The following SLCO5A1 variants were observed in gnomAD, a reference collection of about 807,000 sequenced individuals.
SLCO5A1 encodes solute carrier organic anion transporter family member 5A1, also known as organic anion transporter polypeptide-related protein 4.
In SLCO5A1, 39 loss-of-function variants were observed where a neutral mutation model predicts 65.1. The observed-to-expected ratio is 0.60, with a 90% CI of 0.46 to 0.78. The LOEUF (loss-of-function observed/expected upper bound fraction) is 0.78, where lower values mean the gene tolerates loss of function less well. Among genes scored for constraint, SLCO5A1 ranks in the 30% least tolerant of loss-of-function variants. The pLI is 0.00. For missense variants in SLCO5A1, 1,029 were observed against 1,069.4 expected, an observed-to-expected ratio of 0.96 and a Z score of 0.53; for synonymous variants, 438 against 415.7, an observed-to-expected ratio of 1.05 and a Z score of -0.65.
At chr8:69,738,820 G>T (rs1233034091) in intron 4 of SLCO5A1, among the ~76,000 whole-genome samples, 1 of 152,232 alleles carries the variant, frequency 6.6e-6, no homozygotes, top group Non-Finnish European at 1.5e-5. Flanking sequence ...GCTGAAAGGT[G>T]GGGGTTTAGC....
chr8:69,698,717 C>T (rs1208659551), intron 6 of SLCO5A1, among the ~76,000 whole-genome samples: 1 of 152,094 alleles, frequency 6.6e-6, no homozygotes, highest in African/African-American at 2.4e-5. Flanking sequence ...AATTTTTTAA[C>T]CTAGAATTCT....
intron 5 of SLCO5A1, among the ~76,000 whole-genome samples, chr8:69,734,832 A>T (rs1816489851): frequency 6.6e-6 from 1 of 152,212 alleles, no homozygotes; most frequent in Non-Finnish European, 1.5e-5. Flanking sequence ...TTCAGTCTAC[A>T]TGCATTAAAA....
intron 5 of SLCO5A1, chr8:69,714,858 T>C (rs1243161325): frequency 1.3e-5 from 2 of 152,146 alleles, no homozygotes; most frequent in East Asian, 1.9e-4. Context: ...GGAGACACTG[T>C]GCAGTAGGAG....
At chr8:69,681,706 T>C (rs945684689) in intron 7 of SLCO5A1, among the ~76,000 whole-genome samples, 3 of 152,082 alleles carry the variant, frequency 2.0e-5, no homozygotes, top group Admixed American at 6.5e-5. Context: ...GTCAGAAATA[T>C]CTTTACTTTG....
At chr8:69,794,906 C>T (rs149426946) in intron 2 of SLCO5A1, among the ~76,000 whole-genome samples, 20 of 152,330 alleles carry the variant, frequency 1.3e-4, no homozygotes, top group African/African-American at 4.8e-4. Context: ...TGGTTCTTCA[C>T]ATAGCCAGAG....
intron 6 of SLCO5A1, among the ~76,000 whole-genome samples, chr8:69,697,642 T>C (rs1449239382): frequency 5.9e-5 from 9 of 152,036 alleles, no homozygotes; most frequent in Non-Finnish European, 1.2e-4. Flanking sequence ...GCTCCATCCA[T>C]GACAAAATCT....
At chr8:69,784,891 A>AAAGG (rs1231459167) in intron 2 of SLCO5A1, among the ~76,000 whole-genome samples, 27 of 104,406 alleles carry the variant, frequency 2.6e-4, no homozygotes, top group South Asian at 1.4e-3. Flanking sequence ...AAGAAAGAAG[A>AAAGG]AAGGAAGAAA....
intron 5 of SLCO5A1, among the ~76,000 whole-genome samples, chr8:69,728,365 A>T (rs1426074807): frequency 6.6e-6 from 1 of 152,226 alleles, no homozygotes; most frequent in Non-Finnish European, 1.5e-5. Flanking sequence ...TACTTTGTTT[A>T]TAGTTTTGAC....
intron 2 of SLCO5A1, chr8:69,794,566 T>C (rs1819408204): frequency 2.9e-6 from 1 of 340,630 alleles, no homozygotes; most frequent in Non-Finnish European, 5.9e-6. Flanking sequence ...GTCATAACTA[T>C]TTTATTGAAG....
chr8:69,742,059 G>A (rs1346095753), intron 4 of SLCO5A1, among the ~76,000 whole-genome samples: 1 of 152,156 alleles, frequency 6.6e-6, no homozygotes. Flanking sequence ...ATAGGAGAGT[G>A]TTCTTGTACT....
intron 2 of SLCO5A1, among the ~76,000 whole-genome samples, chr8:69,826,189 C>A (rs1820904772): frequency 6.6e-6 from 1 of 151,778 alleles, no homozygotes; most frequent in Non-Finnish European, 1.5e-5. Flanking sequence ...AGAAGAAAAC[C>A]TAGGCATTAC....
chr8:69,679,932 CTT>C, intron 7 of SLCO5A1, among the ~76,000 whole-genome samples: 1 of 152,280 alleles, frequency 6.6e-6, no homozygotes, highest in South Asian at 2.1e-4. Flanking sequence ...GCTGTTAACT[CTT>C]GGGCTCTCCA....
intron 5 of SLCO5A1, among the ~76,000 whole-genome samples, chr8:69,709,454 G>A (rs973731916): frequency 6.6e-6 from 1 of 152,184 alleles, no homozygotes; most frequent in African/African-American, 2.4e-5. Context: ...CCGTGGGTGA[G>A]TAGTAGCTTT....
In SLCO5A1 at chr8:69,673,446, G is replaced by C. The variant is rs370053723; in HGVS notation, c.2090-120C>G. ...ACCAGTTGAGGGGAGGGATTTTCTT[G>C]TGTTACCAGATTTTTTTTAAGACGC... On this transcript the variant is annotated intron_variant, in intron 9 of 9. Transcript: ENST00000260126. 34 of 787,090 alleles carry C rather than the reference G, an allele frequency of 4.3e-5. No homozygotes were observed. The African/African-American group carries it at 4.5e-4, about 10-fold the overall frequency. The allele number at this position is 787,090 out of a possible 1,614,324, so 48.8% of individuals were successfully genotyped here.
intron 6 of SLCO5A1, chr8:69,704,806 C>T: frequency 1.9e-6 from 1 of 528,760 alleles, no homozygotes; most frequent in South Asian, 2.7e-5. Context: ...AATTAAAATG[C>T]TATGAAAGTC....
intron 1 of SLCO5A1, chr8:69,834,086 C>CCACACACACACACACACACACA (rs60625289): frequency 6.9e-6 from 1 of 144,338 alleles, no homozygotes; most frequent in Non-Finnish European, 1.5e-5. Flanking sequence ...GCGTGCGCGG[C>CCACACACACACACACACACACA]CACACACACA....
At position 69,714,283 on chromosome 8, in the gene SLCO5A1, A is replaced by G. The variant is rs529031589; in HGVS notation, c.1424-9054T>C. Among the ~76,000 whole-genome samples the G allele has an allele frequency of 3.7e-4, 56 of 152,366 alleles. 1 individual carries two copies. The South Asian group carries it at 0.012, about 32-fold the overall frequency. On this transcript the variant is annotated intron_variant, in intron 5 of 9. Transcript: ENST00000260126. ...TTTCTCTAAAGCCATAATATTTCAC[A>G]GCATAGCTTCAAGCCAAAACTTAAA...
intron 2 of SLCO5A1, among the ~76,000 whole-genome samples, chr8:69,783,516 T>C: frequency 6.6e-6 from 1 of 152,042 alleles, no homozygotes; most frequent in South Asian, 2.1e-4. Context: ...TTTTAAATTT[T>C]AATTTTTAAA....
At chr8:69,749,475 A>G (rs1267528733) in intron 4 of SLCO5A1, among the ~76,000 whole-genome samples, 2 of 152,028 alleles carry the variant, frequency 1.3e-5, no homozygotes, top group East Asian at 3.9e-4. Context: ...AAAATTAGCC[A>G]GGTGTGGGGG....
Sources: gnomAD v4.1 joint callset for allele counts (sites outside exome capture counted in the v4.1 genomes callset) on GRCh38, gnomAD v4.1.1 for gene constraint, MANE v1.5 for transcripts, NCBI Gene and HGNC (gene_info 2026-07-23, HGNC 2026-07-21) for gene names.